Variants in PLVAP observed in about 807,000 individuals in gnomAD.
The protein encoded by PLVAP is plasmalemma vesicle associated protein.
PLVAP carries 34 observed loss-of-function variants against 43.1 expected under a neutral mutation model. The observed-to-expected ratio is 0.79, with a 90% confidence interval of 0.60 to 1.05. The LOEUF (loss-of-function observed/expected upper bound fraction) is 1.05, where lower values mean the gene tolerates loss of function less well. PLVAP is among the 50% of genes least tolerant of loss of function. The pLI, the probability that PLVAP is intolerant of heterozygous loss-of-function variation, is 0.00. For missense variants in PLVAP, 574 were observed against 593.4 expected, an observed-to-expected ratio of 0.97 and a Z score of 0.34; for synonymous variants, 241 against 237.3, an observed-to-expected ratio of 1.02 and a Z score of -0.14.
intron 5 of PLVAP, among the ~76,000 whole-genome samples, chr19:17,354,165 C>A (rs2074496914): frequency 6.6e-6 from 1 of 152,140 alleles, no homozygotes; most frequent in African/African-American, 2.4e-5. Context: ...TGATGCATGT[C>A]TGTAATCCCA....
At chr19:17,352,498 C>A in intron 5 of PLVAP, 130 bp from the exon 6 acceptor site, 1 of 970,722 alleles carries the variant, frequency 1.0e-6, no homozygotes. Flanking sequence ...CCTCCTACCA[C>A]CCTGGGCCCC....
At chr19:17,375,710 C>T (rs1056878298) in intron 1 of PLVAP, among the ~76,000 whole-genome samples, 4 of 151,926 alleles carry the variant, frequency 2.6e-5, no homozygotes, top group Non-Finnish European at 5.9e-5. Context: ...GGTGAAACCC[C>T]GTCTCTACTA....
chr19:17,376,871 G>C (rs201015498), intron 1 of PLVAP, 49 bp downstream of exon 1: 1 of 1,544,060 alleles, frequency 6.5e-7, no homozygotes, highest in South Asian at 1.2e-5. Flanking sequence ...AGAGAGGTGA[G>C]GGGGCTTGCT....
chr19:17,355,403 C>A (rs1198304446), intron 5 of PLVAP, among the ~76,000 whole-genome samples: 1 of 152,048 alleles, frequency 6.6e-6, no homozygotes, highest in Non-Finnish European at 1.5e-5. Flanking sequence ...TCCTCTGTCA[C>A]CCAGGTTGGA....
At chr19:17,359,953 A>C (rs766997600) in intron 5 of PLVAP, among the ~76,000 whole-genome samples, 1 of 152,094 alleles carries the variant, frequency 6.6e-6, no homozygotes, top group Non-Finnish European at 1.5e-5. Context: ...ACCCCCGTCC[A>C]GCCTCCAGGC....
intron 5 of PLVAP, among the ~76,000 whole-genome samples, chr19:17,353,631 C>A (rs935122768): frequency 6.6e-6 from 1 of 152,198 alleles, no homozygotes; most frequent in African/African-American, 2.4e-5. Flanking sequence ...CCCCCCATGG[C>A]TCCTCCCTCA....
chr19:17,363,765 G>A (rs2074537461), intron 3 of PLVAP, among the ~76,000 whole-genome samples: 2 of 125,384 alleles, frequency 1.6e-5, no homozygotes, highest in Non-Finnish European at 3.3e-5. Context: ...TTTTTTGAGA[G>A]AGAATTTTGC....
intron 1 of PLVAP, among the ~76,000 whole-genome samples, chr19:17,376,012 G>A (rs1009515400): frequency 6.0e-5 from 9 of 150,658 alleles, no homozygotes; most frequent in Admixed American, 3.3e-4. Flanking sequence ...GAGACCCCAC[G>A]TCTACTAAAA....
chr19:17,352,157 C>T lies in PLVAP; in HGVS notation c.*205G>A. On this transcript the variant is annotated 3_prime_UTR_variant, in exon 6 of 6. Coordinates refer to ENST00000252590, the MANE Select transcript of PLVAP (RefSeq NM_031310.3). Reference sequence around the variant, plus strand: ...TGCTTGCGTGACGTCATCTCCGCGGCCGTGTGCTCTGGGTGAGGGATCGTG... The same window carrying T: ...TGCTTGCGTGACGTCATCTCCGCGGTCGTGTGCTCTGGGTGAGGGATCGTG... 1 of 651,440 alleles carries T rather than the reference C, an allele frequency of 1.5e-6. No individual in the cohort carries two copies. Among genetic ancestry groups the T allele is most frequent in the Non-Finnish European group, 2.6e-6 (1 of 377,702 alleles). The allele number at this position is 651,440 out of a possible 1,614,324, so 40.4% of individuals were successfully genotyped here.
Position 17,365,536 on chromosome 19 carries a change from T to C in PLVAP, c.929A>G (p.Glu310Gly), listed in dbSNP as rs374998380. The change falls in exon 3 of 6, where the codon GAA becomes GGA. Residue 310 changes from glutamate (E) to glycine (G), a missense_variant. Physicochemically the swap from Glu to Gly is moderately conservative, Grantham distance 98. Transcript: ENST00000252590. ...ENSDLQRQKL[E>G]AQQGLRASQE... ...ACTGGCCCGCAGGCCCTGCTGGGCT[T>C]CCAGCTTCTGGCGTTGGAGGTCTGA... 6.2e-7 allele frequency: 1 copy of C among 1,612,012 alleles called. No individual in the cohort carries two copies. Among genetic ancestry groups the C allele is most frequent in the African/African-American group, 1.3e-5 (1 of 75,054 alleles).
intron 3 of PLVAP, among the ~76,000 whole-genome samples, chr19:17,364,167 A>T (rs2074539407): frequency 6.6e-6 from 1 of 151,008 alleles, no homozygotes; most frequent in Non-Finnish European, 1.5e-5. Flanking sequence ...CTCACTGCAA[A>T]CTCTGTCTCC....
At chr19:17,353,637 C>T (rs1056299161) in intron 5 of PLVAP, among the ~76,000 whole-genome samples, 1 of 152,200 alleles carries the variant, frequency 6.6e-6, no homozygotes, top group African/African-American at 2.4e-5. Flanking sequence ...ATGGCTCCTC[C>T]CTCACCTCCT....
chr19:17,367,388 A>AGT (rs560649111), intron 1 of PLVAP, among the ~76,000 whole-genome samples: 1 of 112,820 alleles, frequency 8.9e-6, no homozygotes, highest in Non-Finnish European at 1.9e-5. Flanking sequence ...CTGATTTTTA[A>AGT]ATTTTTTTTT....
At chr19:17,360,291 G>A (rs1872692390) in intron 5 of PLVAP, among the ~76,000 whole-genome samples, 2 of 152,160 alleles carry the variant, frequency 1.3e-5, no homozygotes, top group African/African-American at 4.8e-5. Flanking sequence ...AGGCTCTTTG[G>A]TAGTCCCATC....
intron 1 of PLVAP, among the ~76,000 whole-genome samples, chr19:17,368,973 A>G (rs1386191631): frequency 1.3e-5 from 2 of 151,622 alleles, no homozygotes; most frequent in South Asian, 2.1e-4. Flanking sequence ...ACAGAGCGAG[A>G]CTCCGTCTCA....
Position 17,365,461 on chromosome 19 carries a change from T to G in PLVAP, c.1004A>C (p.Lys335Thr), listed in dbSNP as rs1392095393. 7 of 1,612,836 alleles carry G rather than the reference T, an allele frequency of 4.3e-6. No homozygotes were observed. The East Asian group carries it at 1.6e-4, about 36-fold the overall frequency. ...CTGCCGGGAGCATTCAGCTTGGAGC[T>G]TGGCCTCCCGGGCCTGAGCCTCCTT... ...VEKEAQAREA[K>T]LQAECSRQTQ... Residue 335 changes from lysine to threonine, a missense_variant, in exon 3 of 6, where the codon AAG becomes ACG. Lys to Thr is a moderately conservative substitution (Grantham distance 78, BLOSUM62 -1). Transcript: ENST00000252590.
At chr19:17,373,842 T>C (rs1024919697) in intron 1 of PLVAP, among the ~76,000 whole-genome samples, 3 of 152,090 alleles carry the variant, frequency 2.0e-5, no homozygotes, top group African/African-American at 7.2e-5. Flanking sequence ...CTCTCATGCC[T>C]TCACTTTCCT....
chr19:17,368,018 C>T (rs1281466348), intron 1 of PLVAP, among the ~76,000 whole-genome samples: 3 of 151,862 alleles, frequency 2.0e-5, no homozygotes, highest in Non-Finnish European at 4.4e-5. Context: ...CTGCCTCAGC[C>T]TCCCGAGTAG....
Position 17,370,604 on chromosome 19 carries a change from C to T in PLVAP, c.370-4409G>A, listed in dbSNP as rs575978706. Among the ~76,000 whole-genome samples the T allele has an allele frequency of 3.3e-5, 5 of 152,194 alleles. 1 individual carries two copies. The South Asian group carries it at 1.0e-3, about 32-fold the overall frequency. ...CCCAGAACAGGCAAATCCATAGAGA[C>T]AGGAAGCAGGTTGGTGGCTGTCAGG... is the stretch of plus-strand genomic sequence containing the variant. On this transcript the variant is annotated intron_variant, in intron 1 of 5. Transcript: ENST00000252590.
Sources: allele counts gnomAD v4.1 joint callset (sites outside exome capture counted in the v4.1 genomes callset), GRCh38; gene constraint gnomAD v4.1.1; transcripts MANE v1.5; gene names NCBI Gene and HGNC (gene_info 2026-07-23, HGNC 2026-07-21).